Variants in LRRTM4 observed in about 807,000 individuals in gnomAD.
LRRTM4 encodes leucine rich repeat transmembrane neuronal 4.
A neutral mutation model predicts 47.6 loss-of-function variants in LRRTM4; 25 were observed. The ratio of observed to expected loss-of-function variants is 0.53; its 90% CI spans 0.38 to 0.73. The LOEUF (loss-of-function observed/expected upper bound fraction) is 0.73. Ranked by LOEUF, LRRTM4 falls within the 30% of genes least tolerant of loss-of-function variation. LRRTM4 has a pLI of 0.00. For missense variants in LRRTM4, 638 were observed against 713.4 expected (o/e 0.89, Z 1.20); for synonymous variants, 311 against 269.5 (o/e 1.15, Z -1.51).
intron 3 of LRRTM4, among the ~76,000 whole-genome samples, chr2:77,473,792 C>T (rs982921422): frequency 6.6e-6 from 1 of 152,112 alleles, no homozygotes; most frequent in Non-Finnish European, 1.5e-5. Context: ...GTATGTAACA[C>T]TAATAAAGAA....
intron 3 of LRRTM4, among the ~76,000 whole-genome samples, chr2:76,865,708 G>A (rs138118365): frequency 6.6e-6 from 1 of 151,774 alleles, no homozygotes; most frequent in East Asian, 1.9e-4. Flanking sequence ...ATAAATCAGA[G>A]AGAAGTATAC....
At chr2:77,343,043 T>C (rs1671432499) in intron 3 of LRRTM4, among the ~76,000 whole-genome samples, 2 of 151,954 alleles carry the variant, frequency 1.3e-5, no homozygotes, top group Admixed American at 1.3e-4. Flanking sequence ...CAGTTTGAAG[T>C]TGGTATTAAG....
chr2:76,839,117 T>A (rs1179382308), intron 3 of LRRTM4, among the ~76,000 whole-genome samples: 2 of 152,098 alleles, frequency 1.3e-5, no homozygotes, highest in African/African-American at 4.8e-5. Context: ...TTTACCACAA[T>A]GTACTGTTAA....
chr2:76,924,897 CT>C (rs1378968285), intron 3 of LRRTM4, among the ~76,000 whole-genome samples: 2 of 152,112 alleles, frequency 1.3e-5, no homozygotes, highest in Non-Finnish European at 1.5e-5. Context: ...CCTTCTACCT[CT>C]TCACGGTAAC....
intron 3 of LRRTM4, among the ~76,000 whole-genome samples, chr2:77,060,637 A>C (rs1379838985): frequency 6.6e-6 from 1 of 152,154 alleles, no homozygotes; most frequent in Non-Finnish European, 1.5e-5. Flanking sequence ...GGGAATATCT[A>C]TATATGGTAT....
intron 3 of LRRTM4, among the ~76,000 whole-genome samples, chr2:77,034,068 G>T (rs999742035): frequency 6.6e-6 from 1 of 151,366 alleles, no homozygotes; most frequent in Non-Finnish European, 1.5e-5. Context: ...TTCTGTTATG[G>T]CAAATAATTA....
intron 3 of LRRTM4, among the ~76,000 whole-genome samples, chr2:77,207,142 T>TTATATATATATATA (rs35745580): frequency 4.8e-4 from 65 of 136,820 alleles, no homozygotes; most frequent in African/African-American, 1.4e-3. Flanking sequence ...TATTTTATAT[T>TTATATATATATATA]TATATATATA....
chr2:77,399,002 A>C (rs2103831160), intron 3 of LRRTM4, among the ~76,000 whole-genome samples: 2 of 151,838 alleles, frequency 1.3e-5, no homozygotes, highest in East Asian at 3.9e-4. Context: ...TATATTTTAC[A>C]AATGGTAGCA....
At chr2:76,928,381 G>C (rs1399680453) in intron 3 of LRRTM4, among the ~76,000 whole-genome samples, 3 of 152,130 alleles carry the variant, frequency 2.0e-5, no homozygotes, top group East Asian at 1.9e-4. Flanking sequence ...AACAAGTGCA[G>C]GACTAGAGGC....
chr2:77,034,374 T>C (rs1218898545), intron 3 of LRRTM4, among the ~76,000 whole-genome samples: 1 of 152,000 alleles, frequency 6.6e-6, no homozygotes, highest in Non-Finnish European at 1.5e-5. Flanking sequence ...TTTTGACATT[T>C]ATTGCAATCC....
intron 3 of LRRTM4, among the ~76,000 whole-genome samples, chr2:77,014,809 C>T (rs1678001605): frequency 6.6e-6 from 1 of 151,510 alleles, no homozygotes. Context: ...GAGACTCTGT[C>T]TCAAAGAAAA....
intron 3 of LRRTM4, among the ~76,000 whole-genome samples, chr2:76,920,447 G>A (rs1276893653): frequency 6.6e-6 from 1 of 152,062 alleles, no homozygotes; most frequent in Non-Finnish European, 1.5e-5. Flanking sequence ...ATTTCCTATA[G>A]AATTCTGAAG....
intron 3 of LRRTM4, among the ~76,000 whole-genome samples, chr2:77,083,166 A>T (rs1680586495): frequency 6.6e-6 from 1 of 152,200 alleles, no homozygotes; most frequent in Non-Finnish European, 1.5e-5. Flanking sequence ...ATTTTCCATA[A>T]AACAATTGCA....
At chr2:77,397,596 A>G (rs543049166) in intron 3 of LRRTM4, among the ~76,000 whole-genome samples, 1 of 152,002 alleles carries the variant, frequency 6.6e-6, no homozygotes, top group East Asian at 1.9e-4. Context: ...AGAGTTGTGC[A>G]GAGCTGTGAG....
intron 3 of LRRTM4, among the ~76,000 whole-genome samples, chr2:77,241,319 G>C (rs189148421): frequency 2.3e-3 from 350 of 152,048 alleles, no homozygotes; most frequent in African/African-American, 8.2e-3. Context: ...TGAATGGAAA[G>C]AGAACAGACT....
chr2:77,133,376 T>C (rs539318114), intron 3 of LRRTM4, among the ~76,000 whole-genome samples: 5 of 152,338 alleles, frequency 3.3e-5, no homozygotes, highest in East Asian at 3.9e-4. Context: ...TTTTGCTGTC[T>C]ATGCCTAAAT....
At chr2:76,803,886 A>C (rs550311794) in intron 3 of LRRTM4, among the ~76,000 whole-genome samples, 1 of 152,166 alleles carries the variant, frequency 6.6e-6, no homozygotes, top group Non-Finnish European at 1.5e-5. Flanking sequence ...TGAAATTTGA[A>C]TATGTGCTGG....
At position 76,748,337 on chromosome 2, in the gene LRRTM4, C is replaced by A. The variant is rs1363716388; in HGVS notation, c.*358G>T. 2 of 190,582 alleles carry A rather than the reference C, an allele frequency of 1.0e-5. No individual in the cohort carries two copies. Among genetic ancestry groups the A allele is most frequent in the Non-Finnish European group, 2.2e-5 (2 of 92,426 alleles). The allele number at this position is 190,582 out of a possible 1,614,324, so 11.8% of individuals were successfully genotyped here. A position where few individuals can be genotyped will look rare whatever the true frequency, so the allele number is the denominator to read the frequency against. ...GTTTATTTGCTCCCCTGTGGTTCTC[C>A]AGCCCAGGAACCATGCAGTGTAGAA... On this transcript the variant is annotated 3_prime_UTR_variant, in exon 4 of 4. Coordinates refer to ENST00000409884, the MANE Select transcript of LRRTM4 (RefSeq NM_001134745.3).
At chr2:77,166,231 C>A (rs553920450) in intron 3 of LRRTM4, among the ~76,000 whole-genome samples, 3 of 152,034 alleles carry the variant, frequency 2.0e-5, no homozygotes, top group Non-Finnish European at 2.9e-5. Flanking sequence ...AATAAAATAC[C>A]TGGGAATGCA....
Sources: gnomAD v4.1 joint callset for allele counts (sites outside exome capture counted in the v4.1 genomes callset) on GRCh38, gnomAD v4.1.1 for gene constraint, MANE v1.5 for transcripts, NCBI Gene and HGNC (gene_info 2026-07-23, HGNC 2026-07-21) for gene names.